Variants in IKZF5 observed in about 807,000 individuals in gnomAD.
IKZF5 encodes the protein IKAROS family zinc finger 5, also known as zinc finger protein Pegasus.
In IKZF5, 4 loss-of-function variants were observed where a neutral mutation model predicts 30.7. The observed-to-expected ratio is 0.13, with a 90% CI of 0.06 to 0.30. IKZF5 has a LOEUF of 0.30. Among genes scored for constraint, IKZF5 ranks in the 10% least tolerant of loss-of-function variants. The pLI is 1.00. For synonymous variants in IKZF5, 148 were observed against 179.6 expected, an observed-to-expected ratio of 0.82 and a Z score of 1.41; for missense variants, 348 against 525.5, an observed-to-expected ratio of 0.66 and a Z score of 3.30.
chr10:122,992,964 G>A lies in IKZF5; in HGVS notation c.*816C>T, dbSNP rs1849218755. The A allele has an allele frequency of 6.6e-6, 1 of 152,486 alleles. No individual in the cohort carries two copies. The highest frequency in any genetic ancestry group is 2.4e-5 in the African/African-American group (1 of 41,420). 9.4% of individuals were successfully genotyped at this position (152,486 alleles called of 1,614,324 possible). The stretch of plus-strand genomic sequence containing the variant: ...TCACTTTATCTCTTTGGTCATCAAA[G>A]GAATAGGAAGAATAAGAGATTCTCA... On this transcript the variant is annotated 3_prime_UTR_variant, in exon 5 of 5. Transcript: ENST00000368886.
At chr10:123,003,341 T>C (rs1220578245) in intron 2 of IKZF5, among the ~76,000 whole-genome samples, 1 of 152,080 alleles carries the variant, frequency 6.6e-6, no homozygotes, top group Non-Finnish European at 1.5e-5. Flanking sequence ...GCTTAAAGTA[T>C]GCAAGAGGAT....
chr10:123,002,786 T>TAAAAA (rs371495279), intron 2 of IKZF5, among the ~76,000 whole-genome samples: 2 of 117,082 alleles, frequency 1.7e-5, no homozygotes. Flanking sequence ...AGACTCCGTC[T>TAAAAA]AAAAAAAAAA....
intron 2 of IKZF5, among the ~76,000 whole-genome samples, chr10:123,001,859 A>T (rs1849598810): frequency 6.6e-6 from 1 of 152,244 alleles, no homozygotes; most frequent in African/African-American, 2.4e-5. Flanking sequence ...GGGGTTCTGC[A>T]AAAGCAGATT....
chr10:122,999,927 C>A (rs1004485639), intron 2 of IKZF5, among the ~76,000 whole-genome samples: 1 of 152,182 alleles, frequency 6.6e-6, no homozygotes, highest in Non-Finnish European at 1.5e-5. Context: ...AAGTACAATT[C>A]TCTGGTAAAT....
intron 1 of IKZF5, 21 bp downstream of exon 1, chr10:123,008,673 A>G: frequency 7.4e-6 from 3 of 406,624 alleles, no homozygotes; most frequent in South Asian, 7.3e-5. Context: ...CCGCCGTCCG[A>G]GCCGGCAGCC....
At chr10:122,997,015 A>G (rs560108923) in intron 3 of IKZF5, 3 of 152,354 alleles carry the variant, frequency 2.0e-5, no homozygotes, top group African/African-American at 7.2e-5. Flanking sequence ...CCCATAAAGG[A>G]AAGTATCGTC....
At chr10:122,995,642 C>T (rs1167427868) in intron 4 of IKZF5, among the ~76,000 whole-genome samples, 1 of 152,166 alleles carries the variant, frequency 6.6e-6, no homozygotes, top group Non-Finnish European at 1.5e-5. Context: ...AACCTTTCCC[C>T]CTTTCGGCAA....
chr10:123,001,130 C>T (rs1327783706), intron 2 of IKZF5, among the ~76,000 whole-genome samples: 1 of 151,892 alleles, frequency 6.6e-6, no homozygotes, highest in African/African-American at 2.4e-5. Context: ...CTCAGCCTCC[C>T]GAGTAGCTGG....
intron 2 of IKZF5, among the ~76,000 whole-genome samples, chr10:123,005,036 C>A (rs1184964566): frequency 2.0e-5 from 3 of 152,054 alleles, no homozygotes; most frequent in African/African-American, 7.2e-5. Context: ...TGACTACAAT[C>A]CCAGCACTTT....
rs753622758 is a variant in IKZF5 at position 122,996,193 on chromosome 10, G to A, written c.134-17C>T. On this transcript the variant is annotated splice_polypyrimidine_tract_variant and intron_variant, in intron 3 of 4. Coordinates refer to ENST00000368886, the MANE Select transcript of IKZF5 (RefSeq NM_001372123.1). ...CTGTTCCAGCTATAAACAAAGTACC[G>A]CAAAAGAAATTATGCATCTCAGAAT... 4.4e-6 allele frequency: 7 copies of A among 1,602,294 alleles called. No homozygotes were observed. Among genetic ancestry groups the A allele is most frequent in the East Asian group, 2.2e-5 (1 of 44,802 alleles).
chr10:123,008,707 C>G lies in IKZF5; in HGVS notation c.-211G>C. 1 of 516,510 alleles carries G rather than the reference C, an allele frequency of 1.9e-6. No individual in the cohort carries two copies. Among genetic ancestry groups the G allele is most frequent in the Non-Finnish European group, 3.5e-6 (1 of 282,654 alleles). The allele number at this position is 516,510 out of a possible 1,614,324, so 32.0% of individuals were successfully genotyped here. A position where few individuals can be genotyped will look rare whatever the true frequency, so the allele number is the denominator to read the frequency against. On this transcript the variant is annotated 5_prime_UTR_variant, in exon 1 of 5. It removes an upstream start codon present in the reference 5' UTR. Coordinates refer to ENST00000368886, the MANE Select transcript of IKZF5 (RefSeq NM_001372123.1). The stretch of plus-strand genomic sequence containing the variant: ...CCTGCTACTTACCTCCTGACAACTG[C>G]ATGGAGTAAACCACACCGCCTTGTT...
Position 122,998,621 on chromosome 10 carries a change from C to T in IKZF5, c.5G>A (p.Gly2Asp). The change falls in exon 3 of 5, where the codon GGT (glycine) becomes GAT (aspartate). Residue 2 changes from glycine to aspartate, a missense_variant. Physicochemically the swap from Gly to Asp is moderately conservative, Grantham distance 94. Around this residue, in one of 4 missense-constraint regions of IKZF5, gnomAD observed 80 missense variants for 93.2 expected, o/e 0.86. Coordinates refer to ENST00000368886, the MANE Select transcript of IKZF5 (RefSeq NM_001372123.1). ...GTCCAAAGGCTCTGGTTTTTTTTCA[C>T]CCATCTTTGCTTTTTTAACATTTAC... MGEKKPEPLDFV... is the reference protein window; with the variant it reads MDEKKPEPLDFV... The T allele has an allele frequency of 6.2e-7, 1 of 1,609,804 alleles. No individual in the cohort carries two copies. Among genetic ancestry groups the T allele is most frequent in the African/African-American group, 1.3e-5 (1 of 74,610 alleles).
chr10:122,998,407 C>A, intron 3 of IKZF5, 86 bp downstream of exon 3: 2 of 1,126,316 alleles, frequency 1.8e-6, no homozygotes, highest in South Asian at 1.6e-5. Flanking sequence ...CACATTAATG[C>A]GCAGTGGTCT....
intron 2 of IKZF5, among the ~76,000 whole-genome samples, chr10:123,003,267 A>C (rs566655224): frequency 9.9e-5 from 15 of 151,398 alleles, no homozygotes; most frequent in African/African-American, 3.6e-4. Context: ...ATAATTCCCT[A>C]AACAATACAG....
intron 3 of IKZF5, chr10:122,997,381 G>A (rs1039291336): frequency 2.0e-5 from 3 of 152,242 alleles, no homozygotes; most frequent in Non-Finnish European, 2.9e-5. Flanking sequence ...ATATCCAAGA[G>A]GGCTACACTG....
intron 2 of IKZF5, among the ~76,000 whole-genome samples, chr10:123,004,779 G>A (rs1451289272): frequency 2.0e-5 from 3 of 151,968 alleles, no homozygotes; most frequent in African/African-American, 4.8e-5. Flanking sequence ...GTGTCATTTC[G>A]TCCCTAAGCA....
In IKZF5 at chr10:122,993,828, CTTG is replaced by C. The variant is rs1564735096; in HGVS notation, c.1209_1211del (p.Asn403del). ...TTGCAAAATGACAGGCAAAATCATA[CTTG>C]TTTTTACATTTGCATCCACATATAT... is the stretch of plus-strand genomic sequence containing the variant. On this transcript the variant is annotated inframe_deletion, in exon 5 of 5. Coordinates refer to ENST00000368886, the MANE Select transcript of IKZF5 (RefSeq NM_001372123.1). 7 of 1,611,340 alleles carry C rather than the reference CTTG, an allele frequency of 4.3e-6. No individual in the cohort carries two copies. The highest frequency in any genetic ancestry group is 5.1e-6 in the Non-Finnish European group (6 of 1,178,098).
At chr10:123,002,908 G>C (rs1849643695) in intron 2 of IKZF5, among the ~76,000 whole-genome samples, 2 of 151,922 alleles carry the variant, frequency 1.3e-5, no homozygotes, top group Admixed American at 1.3e-4. Flanking sequence ...CTCTGGACAA[G>C]TAGAGTATAG....
Position 122,996,122 on chromosome 10 carries a change from A to G in IKZF5, c.188T>C (p.Leu63Ser), listed in dbSNP as rs1264723929. The G allele has an allele frequency of 2.5e-6, 4 of 1,614,102 alleles. No homozygotes were observed. Among genetic ancestry groups the G allele is most frequent in the Non-Finnish European group, 3.4e-6 (4 of 1,179,988 alleles). ...TACTAACATTCCTGAGTTTTCATCC[A>G]AGGAAACTTCAACAGATGGGTGATC... ...GLDHPSVEVS[L>S]DENSGMLVDG... The change falls in exon 4 of 5, where the codon TTG becomes TCG. Residue 63 changes from leucine (L) to serine (S), a missense_variant. Leu to Ser is a moderately radical substitution (Grantham distance 145). Transcript: ENST00000368886.
Sources: gnomAD v4.1 joint callset for allele counts (sites outside exome capture counted in the v4.1 genomes callset) on GRCh38, gnomAD v4.1.1 for gene constraint, gnomAD v4.1.1 regional missense constraint, MANE v1.5 for transcripts, NCBI Gene and HGNC (gene_info 2026-07-23, HGNC 2026-07-21) for gene names.